GRM1: variants seen among roughly 807,000 people sequenced by gnomAD.
GRM1 encodes metabotropic glutamate receptor 1.
A neutral mutation model predicts 90.9 loss-of-function variants in GRM1; 33 were observed. The ratio of observed to expected loss-of-function variants is 0.36; its 90% CI spans 0.28 to 0.49. GRM1 has a LOEUF of 0.49. Ranked by LOEUF, GRM1 falls within the 20% of genes least tolerant of loss-of-function variation. The pLI is 0.99. For synonymous variants in GRM1, 700 were observed against 613.2 expected (o/e 1.14, Z -2.09); for missense variants, 1,190 against 1,534.3 (o/e 0.78, Z 3.75).
intron 2 of GRM1, among the ~76,000 whole-genome samples, chr6:146,166,918 C>T (rs1002588807): frequency 6.6e-6 from 1 of 152,076 alleles, no homozygotes; most frequent in Non-Finnish European, 1.5e-5. Context: ...TATATGTGCT[C>T]TTCAAATTAG....
chr6:146,278,314 A>G (rs184464515), intron 2 of GRM1, among the ~76,000 whole-genome samples: 2 of 152,308 alleles, frequency 1.3e-5, no homozygotes, highest in Admixed American at 1.3e-4. Context: ...AGTTAAAGAG[A>G]TTACTCCAGG....
At chr6:146,270,849 TTTTCTTTCTTTC>T (rs1164507964) in intron 2 of GRM1, among the ~76,000 whole-genome samples, 942 of 91,676 alleles carry the variant, frequency 0.01, 22 homozygotes, top group Non-Finnish European at 0.013. Context: ...CTTTCTTTCT[TTTTCTTTCTTTC>T]TTTCTTTCTT....
At chr6:146,319,263 G>T (rs1486088154) in intron 3 of GRM1, among the ~76,000 whole-genome samples, 1 of 152,182 alleles carries the variant, frequency 6.6e-6, no homozygotes, top group Admixed American at 6.5e-5. Flanking sequence ...GTTTGTCAAA[G>T]ATCAGATGGT....
chr6:146,307,109 G>A (rs566914426), intron 3 of GRM1, among the ~76,000 whole-genome samples: 5 of 152,090 alleles, frequency 3.3e-5, no homozygotes, highest in Non-Finnish European at 7.4e-5. Context: ...CTAATATTTT[G>A]GGTTTTTAAT....
intron 3 of GRM1, among the ~76,000 whole-genome samples, chr6:146,309,479 T>A (rs1783703939): frequency 6.6e-6 from 1 of 152,184 alleles, no homozygotes; most frequent in Non-Finnish European, 1.5e-5. Flanking sequence ...CTTGAAACTC[T>A]ATGCATTCTT....
chr6:146,176,561 G>A (rs1297471919), intron 2 of GRM1, among the ~76,000 whole-genome samples: 2 of 151,978 alleles, frequency 1.3e-5, no homozygotes, highest in Admixed American at 6.6e-5. Context: ...CAAGAGTTTA[G>A]TATGTTCAAG....
chr6:146,044,030 T>G (rs950706756), intron 1 of GRM1, among the ~76,000 whole-genome samples: 1 of 151,762 alleles, frequency 6.6e-6, no homozygotes, highest in Non-Finnish European at 1.5e-5. Context: ...TTTTTCAGAT[T>G]ATTTGAAATT....
intron 3 of GRM1, among the ~76,000 whole-genome samples, chr6:146,313,207 C>T (rs886957895): frequency 6.6e-6 from 1 of 152,062 alleles, no homozygotes; most frequent in Admixed American, 6.6e-5. Flanking sequence ...TTTTACTATG[C>T]CTGCAAACCA....
At chr6:146,433,818 T>C in intron 7 of GRM1, 54 bp from the exon 8 acceptor site, 1 of 1,258,018 alleles carries the variant, frequency 7.9e-7, no homozygotes, top group Non-Finnish European at 1.2e-6. Flanking sequence ...CTATGTATTT[T>C]ATCCTGTGTG....
chr6:146,111,535 G>A (rs577974935), intron 1 of GRM1, among the ~76,000 whole-genome samples: 4 of 152,316 alleles, frequency 2.6e-5, no homozygotes, highest in African/African-American at 9.6e-5. Context: ...ATTAGAGAAG[G>A]TGGTTGTAGA....
intron 2 of GRM1, among the ~76,000 whole-genome samples, chr6:146,169,764 A>G: frequency 6.6e-6 from 1 of 152,130 alleles, no homozygotes; most frequent in East Asian, 1.9e-4. Context: ...TCCTATATTG[A>G]CATTTATACA....
chr6:146,409,156 A>G (rs1777467650), intron 7 of GRM1, among the ~76,000 whole-genome samples: 1 of 152,186 alleles, frequency 6.6e-6, no homozygotes, highest in Admixed American at 6.5e-5. Context: ...GAAAGGCTCC[A>G]GGTTTCTGTC....
intron 2 of GRM1, among the ~76,000 whole-genome samples, chr6:146,280,610 T>A (rs1782531621): frequency 6.6e-6 from 1 of 152,120 alleles, no homozygotes. Context: ...TTTTTACTCA[T>A]TACTTCGTTT....
chr6:146,199,039 C>T (rs1486826099), intron 2 of GRM1, among the ~76,000 whole-genome samples: 1 of 152,162 alleles, frequency 6.6e-6, no homozygotes, highest in Admixed American at 6.5e-5. Flanking sequence ...CCCTATTATC[C>T]TCATGGATAT....
chr6:146,101,369 T>C (rs990793858), intron 1 of GRM1, among the ~76,000 whole-genome samples: 9 of 152,198 alleles, frequency 5.9e-5, no homozygotes. Context: ...ATTCTCACTG[T>C]TTTTTCTTCC....
At chr6:146,074,874 C>T (rs1426827941) in intron 1 of GRM1, among the ~76,000 whole-genome samples, 1 of 152,118 alleles carries the variant, frequency 6.6e-6, no homozygotes, top group Non-Finnish European at 1.5e-5. Context: ...GTCCAAAATA[C>T]CTGTGCAAAT....
chr6:146,162,882 G>T (rs971844302), intron 2 of GRM1, among the ~76,000 whole-genome samples: 3 of 151,966 alleles, frequency 2.0e-5, no homozygotes, highest in African/African-American at 7.3e-5. Flanking sequence ...GCAATTATAT[G>T]ATCTTATTTA....
intron 1 of GRM1, among the ~76,000 whole-genome samples, chr6:146,118,285 G>A (rs1234422954): frequency 4.0e-5 from 6 of 151,208 alleles, no homozygotes; most frequent in South Asian, 2.1e-4. Context: ...GACTACAGGC[G>A]CCCACCACGA....
intron 2 of GRM1, among the ~76,000 whole-genome samples, chr6:146,243,740 G>A (rs966655497): frequency 6.6e-6 from 1 of 152,090 alleles, no homozygotes; most frequent in African/African-American, 2.4e-5. Flanking sequence ...CAGGAGACAG[G>A]GTTTGAGAGC....
Sources: allele counts gnomAD v4.1 joint callset (sites outside exome capture counted in the v4.1 genomes callset), GRCh38; gene constraint gnomAD v4.1.1; transcripts MANE v1.5; gene names NCBI Gene and HGNC (gene_info 2026-07-23, HGNC 2026-07-21).